BCAS1: variants seen among roughly 807,000 people sequenced by gnomAD.
The protein encoded by BCAS1 is brain enriched myelin associated protein 1.
Under a neutral mutation model 65.4 loss-of-function variants are expected in BCAS1, and 46 were observed. The ratio of observed to expected loss-of-function variants is 0.70; its 90% confidence interval spans 0.55 to 0.90. BCAS1 has a LOEUF of 0.90. Ranked by LOEUF, BCAS1 falls within the 40% of genes least tolerant of loss-of-function variation. The pLI is 0.00. For synonymous variants in BCAS1, 298 were observed against 293.5 expected, an observed-to-expected ratio of 1.02 and a Z score of -0.16; for missense variants, 793 against 771.2, an observed-to-expected ratio of 1.03 and a Z score of -0.33.
At chr20:54,042,308 G>T (rs1025875000) in intron 3 of BCAS1, among the ~76,000 whole-genome samples, 1 of 152,096 alleles carries the variant, frequency 6.6e-6, no homozygotes, top group Middle Eastern at 3.4e-3. Context: ...CTTAGTACCC[G>T]GGTGAAAAAA....
chr20:54,046,196 T>C (rs547758570), intron 3 of BCAS1, among the ~76,000 whole-genome samples: 137 of 152,326 alleles, frequency 9.0e-4, no homozygotes, highest in African/African-American at 3.1e-3. Flanking sequence ...CCCAAAATGA[T>C]TGACTTAACC....
intron 3 of BCAS1, among the ~76,000 whole-genome samples, chr20:54,043,474 TC>T (rs1221849156): frequency 6.6e-6 from 1 of 152,212 alleles, no homozygotes; most frequent in Non-Finnish European, 1.5e-5. Context: ...TTGGGAAATT[TC>T]ATTTAAAAGT....
intron 7 of BCAS1, among the ~76,000 whole-genome samples, chr20:53,987,979 C>G (rs1007936168): frequency 5.9e-5 from 9 of 152,170 alleles, no homozygotes; most frequent in Non-Finnish European, 8.8e-5. Context: ...TCTCCATTTG[C>G]CCAGTGGTCC....
At chr20:53,950,173 G>A (rs377757141) in intron 12 of BCAS1, among the ~76,000 whole-genome samples, 11 of 152,056 alleles carry the variant, frequency 7.2e-5, no homozygotes, top group African/African-American at 2.4e-4. Flanking sequence ...GGAGGTCCCC[G>A]CCCACGGCTC....
intron 9 of BCAS1, 33 bp downstream of exon 9, chr20:53,975,356 T>G: frequency 6.3e-7 from 1 of 1,599,280 alleles, no homozygotes; most frequent in Non-Finnish European, 8.6e-7. Context: ...AAGATGAGAA[T>G]GGAATGATTC....
intron 4 of BCAS1, among the ~76,000 whole-genome samples, chr20:54,004,050 A>G (rs984888261): frequency 6.6e-6 from 1 of 152,164 alleles, no homozygotes; most frequent in African/African-American, 2.4e-5. Context: ...TTTAATGTGT[A>G]TTGTGGACTG....
intron 10 of BCAS1, among the ~76,000 whole-genome samples, chr20:53,964,903 CTGT>C (rs2089985876): frequency 7.1e-6 from 1 of 141,470 alleles, no homozygotes; most frequent in Non-Finnish European, 1.6e-5. Context: ...ATTCTATTTA[CTGT>C]TTTTTTTTTC....
Position 53,985,441 on chromosome 20 carries a change from G to T in BCAS1, c.1121C>A (p.Thr374Lys). The change falls in exon 8 of 13, where the codon ACA (threonine) becomes AAA (lysine). Residue 374 changes from threonine (T) to lysine (K), a missense_variant. Thr to Lys is a moderately conservative substitution (Grantham distance 78, BLOSUM62 -1). Transcript: ENST00000688948. ...ADLKSDKANFTSQETQGAGKN... is the reference protein window; with the variant it reads ...ADLKSDKANFKSQETQGAGKN... Reference sequence around the variant, plus strand: ...GCCAGCCCCTTGGGTCTCCTGGGATGTAAAGTTGGCTTTGTCTGACTTAAG... The same window carrying T: ...GCCAGCCCCTTGGGTCTCCTGGGATTTAAAGTTGGCTTTGTCTGACTTAAG... The T allele has an allele frequency of 6.2e-7, 1 of 1,614,062 alleles. No individual in the cohort carries two copies. The highest frequency in any genetic ancestry group is 8.5e-7 in the Non-Finnish European group (1 of 1,179,972).
chr20:53,985,616 T>G (rs1210599138), intron 7 of BCAS1, 117 bp from the exon 8 acceptor site: 4 of 907,876 alleles, frequency 4.4e-6, no homozygotes, highest in Non-Finnish European at 6.4e-6. Flanking sequence ...AATTTTCTTC[T>G]TTATATTTTT....
intron 6 of BCAS1, among the ~76,000 whole-genome samples, chr20:53,993,573 A>G (rs2090819995): frequency 6.6e-6 from 1 of 152,158 alleles, no homozygotes; most frequent in African/African-American, 2.4e-5. Context: ...TGGGTCAGGG[A>G]GGAGTCTTGG....
At chr20:54,019,714 G>T (rs1019253944) in intron 4 of BCAS1, among the ~76,000 whole-genome samples, 1 of 152,220 alleles carries the variant, frequency 6.6e-6, no homozygotes, top group Non-Finnish European at 1.5e-5. Context: ...GATAAGCTGG[G>T]TTGCTGAGTC....
intron 1 of BCAS1, among the ~76,000 whole-genome samples, chr20:54,059,490 C>CT (rs2092350042): frequency 7.7e-6 from 1 of 130,178 alleles, no homozygotes; most frequent in Admixed American, 7.4e-5. Flanking sequence ...TACACTACGG[C>CT]CTTTTTTTTT....
chr20:54,014,783 G>A (rs945413923), intron 4 of BCAS1, among the ~76,000 whole-genome samples: 1 of 152,130 alleles, frequency 6.6e-6, no homozygotes, highest in Non-Finnish European at 1.5e-5. Flanking sequence ...AATATCACGC[G>A]AGCACAGAGG....
intron 8 of BCAS1, among the ~76,000 whole-genome samples, chr20:53,980,354 A>G (rs557461198): frequency 4.0e-4 from 61 of 152,266 alleles, no homozygotes; most frequent in Non-Finnish European, 7.5e-4. Flanking sequence ...TCCTTGCAAT[A>G]TGTTTTGTTC....
chr20:54,005,303 AAAAACAAAACAAAAC>A (rs71196438), intron 4 of BCAS1, among the ~76,000 whole-genome samples: 2 of 148,258 alleles, frequency 1.3e-5, no homozygotes, highest in East Asian at 2.0e-4. Context: ...GAAACAAAGC[AAAAACAAAACAAAAC>A]AAAACAAAAC....
At chr20:54,008,139 G>A (rs1197344127) in intron 4 of BCAS1, among the ~76,000 whole-genome samples, 1 of 152,230 alleles carries the variant, frequency 6.6e-6, no homozygotes, top group Admixed American at 6.5e-5. Context: ...AGGACATTCT[G>A]TGGTCTCACC....
intron 8 of BCAS1, among the ~76,000 whole-genome samples, chr20:53,976,191 T>C (rs2090329942): frequency 6.6e-6 from 1 of 152,244 alleles, no homozygotes; most frequent in Non-Finnish European, 1.5e-5. Context: ...TAGCCAACTT[T>C]GGAGTTCATT....
In BCAS1 at chr20:54,029,212, C is replaced by T. The variant is rs2091748788; in HGVS notation, c.143-240G>A. On this transcript the variant is annotated intron_variant, in intron 3 of 12. Coordinates refer to ENST00000688948, the MANE Select transcript of BCAS1 (RefSeq NM_001366298.2). Reference sequence around the variant, plus strand: ...CTACTTAATGGAAAGTCACTAGCTGCCAGGTGTGGAATGAGTGATATTCAA... The same window carrying T: ...CTACTTAATGGAAAGTCACTAGCTGTCAGGTGTGGAATGAGTGATATTCAA... 5 of 985,180 alleles carry T rather than the reference C, an allele frequency of 5.1e-6. No individual in the cohort carries two copies. The Admixed American group carries it at 1.8e-4, about 36-fold the overall frequency. 61.0% of individuals were successfully genotyped at this position (985,180 alleles called of 1,614,324 possible).
At chr20:53,988,674 T>C (rs2145798386) in intron 7 of BCAS1, among the ~76,000 whole-genome samples, 1 of 152,340 alleles carries the variant, frequency 6.6e-6, no homozygotes, top group Middle Eastern at 3.4e-3. Flanking sequence ...TTTTCTCTTC[T>C]AGCTGTTTTG....
Sources: gnomAD v4.1 joint callset for allele counts (sites outside exome capture counted in the v4.1 genomes callset) on GRCh38, gnomAD v4.1.1 for gene constraint, MANE v1.5 for transcripts, NCBI Gene and HGNC (gene_info 2026-07-23, HGNC 2026-07-21) for gene names.